The following PPP1R3B variants were observed in gnomAD, a reference collection of about 807,000 sequenced individuals.
PPP1R3B encodes protein phosphatase 1 regulatory subunit 3B, also known as PP1 subunit R4.
Under a neutral mutation model 14.6 loss-of-function variants are expected in PPP1R3B, and 8 were observed. The observed-to-expected ratio is 0.55, with a 90% CI of 0.32 to 0.99. PPP1R3B has a LOEUF of 0.99. Ranked by LOEUF, PPP1R3B falls within the 50% of genes least tolerant of loss-of-function variation. The pLI, the probability that PPP1R3B is intolerant of heterozygous loss-of-function variation, is 0.04. For missense variants in PPP1R3B, 452 were observed against 360.1 expected, an observed-to-expected ratio of 1.26 and a Z score of -2.07; for synonymous variants, 169 against 142.0, an observed-to-expected ratio of 1.19 and a Z score of -1.35.
chr8:9,142,708 C>T (rs1293962287), intron 1 of PPP1R3B, among the ~76,000 whole-genome samples: 2 of 152,150 alleles, frequency 1.3e-5, no homozygotes, highest in Admixed American at 6.5e-5. Flanking sequence ...CCCCTGTACT[C>T]TCTGTTTCTA....
intron 1 of PPP1R3B, among the ~76,000 whole-genome samples, chr8:9,146,042 C>A (rs1410485471): frequency 6.6e-6 from 1 of 151,828 alleles, no homozygotes; most frequent in Non-Finnish European, 1.5e-5. Context: ...GCTAATTTTT[C>A]AATTTTTATA....
rs376784712 is a variant in PPP1R3B at position 9,144,745 on chromosome 8, G to A, written c.-17-3077C>T. Reference sequence around the variant, plus strand: ...GTGATGTACTTTTATTTTTACTGTTGTTATTTTTTCCTTTTTTGAGACAGA... The same window carrying A: ...GTGATGTACTTTTATTTTTACTGTTATTATTTTTTCCTTTTTTGAGACAGA... On this transcript the variant is annotated intron_variant, in intron 1 of 1. Transcript: ENST00000310455. Among the ~76,000 whole-genome samples the A allele has an allele frequency of 5.9e-4, 90 of 152,130 alleles. 1 individual carries two copies. In the South Asian group the frequency reaches 0.018, roughly 31 times the overall value.
upstream of PPP1R3B, among the ~76,000 whole-genome samples, chr8:9,150,855 G>A (rs890119975): frequency 6.6e-6 from 1 of 152,250 alleles, no homozygotes; most frequent in Admixed American, 6.5e-5. Flanking sequence ...GCTAGGTCCC[G>A]TCGCCCTCGG....
intron 1 of PPP1R3B, chr8:9,145,382 C>T (rs1035471819): frequency 6.6e-6 from 1 of 152,210 alleles, no homozygotes; most frequent in East Asian, 1.9e-4. Context: ...TATGATGACC[C>T]GCATCCACTT....
intron 1 of PPP1R3B, among the ~76,000 whole-genome samples, chr8:9,142,703 G>A (rs1801126387): frequency 6.6e-6 from 1 of 151,980 alleles, no homozygotes; most frequent in Non-Finnish European, 1.5e-5. Flanking sequence ...AGCCACCCCT[G>A]TACTCTCTGT....
chr8:9,140,695 G>T lies in PPP1R3B; in HGVS notation c.*99C>A. ...TTTTCCCAAACGGGGCCTCATGGAA[G>T]TTCCACGTTGCTCCTCCCTGGCCTT... On this transcript the variant is annotated 3_prime_UTR_variant, in exon 2 of 2. Transcript: ENST00000310455. The T allele has an allele frequency of 1.5e-6, 2 of 1,301,658 alleles. No individual in the cohort carries two copies. Among genetic ancestry groups the T allele is most frequent in the Non-Finnish European group, 1.1e-6 (1 of 943,874 alleles). The allele number at this position is 1,301,658 out of a possible 1,614,324, so 80.6% of individuals were successfully genotyped here.
rs1391782615 is a variant in PPP1R3B, at chr8:9,138,495, CCAAAA to C, written c.*2294_*2298del. On this transcript the variant is annotated 3_prime_UTR_variant, in exon 2 of 2. Coordinates refer to ENST00000310455, the MANE Select transcript of PPP1R3B (RefSeq NM_024607.4). ...TTAAACTTCAGAAATGAAAACAAAA[CCAAAA>C]CAAAACAACAACAAAAACAACCTAA... 2 of 152,192 alleles carry C rather than the reference CCAAAA, an allele frequency of 1.3e-5. No homozygotes were observed. The highest frequency in any genetic ancestry group is 2.4e-5 in the African/African-American group (1 of 41,422). The allele number at this position is 152,192 out of a possible 1,614,324, so 9.4% of individuals were successfully genotyped here.
intron 1 of PPP1R3B, among the ~76,000 whole-genome samples, chr8:9,143,367 A>G (rs1320486459): frequency 6.6e-6 from 1 of 152,210 alleles, no homozygotes; most frequent in African/African-American, 2.4e-5. Context: ...GCTTTCATTA[A>G]GTTTATGGTA....
chr8:9,145,463 T>C (rs1801213163), intron 1 of PPP1R3B: 1 of 152,258 alleles, frequency 6.6e-6, no homozygotes, highest in South Asian at 2.1e-4. Flanking sequence ...TTTACTTTAC[T>C]ATAAGAATAC....
rs905590998 is a variant in PPP1R3B at position 9,137,414 on chromosome 8, G to C, written c.*3380C>G. 1 of 152,132 alleles carries C rather than the reference G, an allele frequency of 6.6e-6. No homozygotes were observed. The highest frequency in any genetic ancestry group is 6.6e-5 in the Admixed American group (1 of 15,256). 9.4% of individuals were successfully genotyped at this position (152,132 alleles called of 1,614,324 possible). On this transcript the variant is annotated 3_prime_UTR_variant, in exon 2 of 2. Coordinates refer to ENST00000310455, the MANE Select transcript of PPP1R3B (RefSeq NM_024607.4). The stretch of plus-strand genomic sequence containing the variant: ...AACCTGGGAAAGATTCTGGGACTCG[G>C]GGGCCACTTGTAACCATAACCAAGA...
At chr8:9,149,307 T>G (rs910103966) in intron 1 of PPP1R3B, among the ~76,000 whole-genome samples, 6 of 150,208 alleles carry the variant, frequency 4.0e-5, no homozygotes, top group Non-Finnish European at 8.9e-5. Flanking sequence ...GACACCATCC[T>G]GGCTAACACG....
chr8:9,145,653 T>A (rs1801220145), intron 1 of PPP1R3B, among the ~76,000 whole-genome samples: 1 of 152,218 alleles, frequency 6.6e-6, no homozygotes, highest in Non-Finnish European at 1.5e-5. Flanking sequence ...AAGGATCAAC[T>A]GTATTATGTA....
In PPP1R3B at chr8:9,139,159, C is replaced by G. The variant is rs1800986266; in HGVS notation, c.*1635G>C. 1 of 152,256 alleles carries G rather than the reference C, an allele frequency of 6.6e-6. No homozygotes were observed. Among genetic ancestry groups the G allele is most frequent in the Non-Finnish European group, 1.5e-5 (1 of 68,082 alleles). The allele number at this position is 152,256 out of a possible 1,614,324, so 9.4% of individuals were successfully genotyped here. On this transcript the variant is annotated 3_prime_UTR_variant, in exon 2 of 2. Coordinates refer to ENST00000310455, the MANE Select transcript of PPP1R3B (RefSeq NM_024607.4). Reference sequence around the variant, plus strand: ...TCTTGAACGCCTGACCTCAGGTGAGCTGCCCGCCTTGGCTTCCCAAAGTGC... The same window carrying G: ...TCTTGAACGCCTGACCTCAGGTGAGGTGCCCGCCTTGGCTTCCCAAAGTGC...
Position 9,137,818 on chromosome 8 carries a change from T to A in PPP1R3B, c.*2976A>T, listed in dbSNP as rs1298870787. On this transcript the variant is annotated 3_prime_UTR_variant, in exon 2 of 2. Coordinates refer to ENST00000310455, the MANE Select transcript of PPP1R3B (RefSeq NM_024607.4). The stretch of plus-strand genomic sequence containing the variant: ...TTGCCTTCTGAACTGTGCGGCAGGG[T>A]GAGCATCCCAGGTGTGCTGGCTGGG... 1 of 152,080 alleles carries A rather than the reference T, an allele frequency of 6.6e-6. No homozygotes were observed. Among genetic ancestry groups the A allele is most frequent in the East Asian group, 1.9e-4 (1 of 5,186 alleles). The allele number at this position is 152,080 out of a possible 1,614,324, so 9.4% of individuals were successfully genotyped here.
chr8:9,137,513 G>C lies in PPP1R3B; in HGVS notation c.*3281C>G, dbSNP rs562627816. ...TAAGAAACCTGTCACCCTCTGAAGT[G>C]TGTAGGCTTATCTACTGATGATGAG... On this transcript the variant is annotated 3_prime_UTR_variant, in exon 2 of 2. Transcript: ENST00000310455. The C allele has an allele frequency of 6.6e-6, 1 of 152,242 alleles. No homozygotes were observed. Among genetic ancestry groups the C allele is most frequent in the Non-Finnish European group, 1.5e-5 (1 of 68,068 alleles). The allele number at this position is 152,242 out of a possible 1,614,324, so 9.4% of individuals were successfully genotyped here.
intron 1 of PPP1R3B, among the ~76,000 whole-genome samples, chr8:9,149,114 AC>A (rs1278677329): frequency 6.9e-6 from 1 of 144,918 alleles, no homozygotes; most frequent in Non-Finnish European, 1.5e-5. Context: ...AATGGCGCGA[AC>A]CCGGGAGGCG....
intron 1 of PPP1R3B, among the ~76,000 whole-genome samples, chr8:9,144,410 T>A (rs1023272006): frequency 1.3e-5 from 2 of 151,904 alleles, no homozygotes; most frequent in African/African-American, 2.4e-5. Flanking sequence ...CTCAGACCAG[T>A]CTTGAATTCC....
intron 1 of PPP1R3B, chr8:9,142,430 T>A (rs1382368335): frequency 6.6e-6 from 1 of 152,222 alleles, no homozygotes; most frequent in African/African-American, 2.4e-5. Flanking sequence ...TATATTCTTA[T>A]GGTGTACAAC....
In PPP1R3B at chr8:9,141,503, A is replaced by G. The variant is rs989071437; in HGVS notation, c.149T>C (p.Val50Ala). The stretch of plus-strand genomic sequence containing the variant: ...CTTCTTCTCCTGGACAGCCGGGGCC[A>G]CCATTCCACTGGCTTCATTCTTGCT... ...LSSKNEASGM[V>A]APAVQEKKVK... The change falls in exon 2 of 2, where the codon GTG becomes GCG. Residue 50 changes from valine (V) to alanine (A), a missense_variant. Val to Ala is a moderately conservative substitution (Grantham distance 64). Transcript: ENST00000310455. 1.9e-6 allele frequency: 3 copies of G among 1,614,038 alleles called. No individual in the cohort carries two copies. Among genetic ancestry groups the G allele is most frequent in the African/African-American group, 1.3e-5 (1 of 74,918 alleles).
Sources: allele counts gnomAD v4.1 joint callset (sites outside exome capture counted in the v4.1 genomes callset), GRCh38; gene constraint gnomAD v4.1.1; transcripts MANE v1.5; gene names NCBI Gene and HGNC (gene_info 2026-07-23, HGNC 2026-07-21).